The following ADAMTS6 variants were observed in gnomAD, a reference collection of about 807,000 sequenced individuals.
The protein encoded by ADAMTS6 is A disintegrin and metalloproteinase with thrombospondin motifs 6.
A neutral mutation model predicts 144.3 loss-of-function variants in ADAMTS6; 23 were observed. The observed-to-expected ratio is 0.16, with a 90% CI of 0.11 to 0.23. The LOEUF (loss-of-function observed/expected upper bound fraction) is 0.23, where lower values mean the gene tolerates loss of function less well. ADAMTS6 is among the 10% of genes least tolerant of loss of function. ADAMTS6 has a pLI of 1.00. For synonymous variants in ADAMTS6, 444 were observed against 457.5 expected, an observed-to-expected ratio of 0.97 and a Z score of 0.38; for missense variants, 999 against 1,379.6, an observed-to-expected ratio of 0.72 and a Z score of 4.37.
intron 9 of ADAMTS6, among the ~76,000 whole-genome samples, chr5:65,304,923 A>T (rs1275137974): frequency 6.6e-6 from 1 of 152,146 alleles, no homozygotes; most frequent in African/African-American, 2.4e-5. Context: ...GAGAAAAAAA[A>T]TGCTACAGAA....
chr5:65,453,470 C>A (rs1235007744), intron 4 of ADAMTS6, among the ~76,000 whole-genome samples: 1 of 152,224 alleles, frequency 6.6e-6, no homozygotes, highest in Non-Finnish European at 1.5e-5. Flanking sequence ...CTTAGGTTGG[C>A]AGTCTACAAC....
chr5:65,319,725 G>GAGGGAGGGAGGGAGGGAGGGA (rs1745381848), intron 9 of ADAMTS6, among the ~76,000 whole-genome samples: 1 of 19,262 alleles, frequency 5.2e-5, no homozygotes, highest in Non-Finnish European at 9.1e-5. Flanking sequence ...GGAAGGGAGG[G>GAGGGAGGGAGGGAGGGAGGGA]AGGGAGGGAG....
At chr5:65,275,411 G>GAAAGAAAGAAAGAAAGA (rs1554060504) in intron 11 of ADAMTS6, among the ~76,000 whole-genome samples, 4 of 125,862 alleles carry the variant, frequency 3.2e-5, no homozygotes, top group African/African-American at 1.3e-4. Context: ...AAGAAAGAAA[G>GAAAGAAAGAAAGAAAGA]AAAGAAAAGA....
chr5:65,277,839 AT>A (rs911248334), intron 11 of ADAMTS6, among the ~76,000 whole-genome samples: 1 of 151,948 alleles, frequency 6.6e-6, no homozygotes, highest in African/African-American at 2.4e-5. Context: ...TTTTTTTTAA[AT>A]TTTTTATTTC....
chr5:65,162,402 T>TA (rs1244819776), intron 24 of ADAMTS6, among the ~76,000 whole-genome samples: 2 of 152,166 alleles, frequency 1.3e-5, no homozygotes, highest in Non-Finnish European at 2.9e-5. Flanking sequence ...CTCTTGCTTT[T>TA]ATGTCAAAAT....
intron 15 of ADAMTS6, among the ~76,000 whole-genome samples, chr5:65,238,678 A>G (rs934136315): frequency 6.6e-6 from 1 of 152,188 alleles, no homozygotes; most frequent in Non-Finnish European, 1.5e-5. Context: ...TGGAATTTTC[A>G]AAAGTTTTAT....
At chr5:65,239,423 G>C (rs1053236630) in intron 15 of ADAMTS6, among the ~76,000 whole-genome samples, 1 of 152,132 alleles carries the variant, frequency 6.6e-6, no homozygotes, top group African/African-American at 2.4e-5. Flanking sequence ...ATAGATCATA[G>C]ATGTAAATGT....
At chr5:65,350,735 C>CCT (rs1748779364) in intron 7 of ADAMTS6, among the ~76,000 whole-genome samples, 1 of 152,106 alleles carries the variant, frequency 6.6e-6, no homozygotes, top group Non-Finnish European at 1.5e-5. Context: ...CTCACTGCAA[C>CCT]CTCTACCTTC....
chr5:65,473,533 T>C (rs1233525385), intron 2 of ADAMTS6, 44 bp downstream of exon 2: 1 of 1,509,776 alleles, frequency 6.6e-7, no homozygotes, highest in Admixed American at 1.8e-5. Context: ...TCTTGTCCAA[T>C]TAATAGCAAT....
In ADAMTS6 at chr5:65,334,021, A is replaced by C. The variant is rs747272980; in HGVS notation, c.1117+21T>G. On this transcript the variant is annotated intron_variant, in intron 8 of 24. Coordinates refer to ENST00000381055, the MANE Select transcript of ADAMTS6 (RefSeq NM_197941.4). ...TTAAAAAAAAAAAAAAAAAAAAAAA[A>C]AAAAACCAAAAAAAACTTACCCAGT... 2.4e-4 allele frequency: 336 copies of C among 1,383,798 alleles called. No individual in the cohort carries two copies. In the South Asian group the frequency reaches 5.6e-3, roughly 23 times the overall value. The allele number at this position is 1,383,798 out of a possible 1,614,324, so 85.7% of individuals were successfully genotyped here.
intron 7 of ADAMTS6, among the ~76,000 whole-genome samples, chr5:65,423,220 T>A (rs1756222306): frequency 6.6e-6 from 1 of 152,178 alleles, no homozygotes; most frequent in South Asian, 2.1e-4. Context: ...TTGGGTGCAA[T>A]ATACACTCTT....
intron 7 of ADAMTS6, among the ~76,000 whole-genome samples, chr5:65,341,285 T>C (rs1405223868): frequency 2.6e-5 from 4 of 151,550 alleles, no homozygotes; most frequent in African/African-American, 7.3e-5. Flanking sequence ...AACTTAACAA[T>C]GCATCTCAAG....
Position 65,329,565 on chromosome 5 carries a change from C to T in ADAMTS6, c.1118-82G>A, listed in dbSNP as rs925437869. 13 of 1,213,132 alleles carry T rather than the reference C, an allele frequency of 1.1e-5. No homozygotes were observed. In the African/African-American group the frequency reaches 1.7e-4, roughly 16 times the overall value. The allele number at this position is 1,213,132 out of a possible 1,614,324, so 75.1% of individuals were successfully genotyped here. ...GCCTATATTTATAAATGCCTGGATT[C>T]TTTTTAATAACCTCCATGCACAGAA... On this transcript the variant is annotated intron_variant, in intron 8 of 24. Coordinates refer to ENST00000381055, the MANE Select transcript of ADAMTS6 (RefSeq NM_197941.4).
intron 11 of ADAMTS6, 148 bp from the exon 12 acceptor site, chr5:65,273,595 G>T: frequency 5.6e-6 from 3 of 536,516 alleles, no homozygotes; most frequent in Non-Finnish European, 1.0e-5. Context: ...TTTTGGAGGA[G>T]GTTTTTATGA....
At position 65,327,132 on chromosome 5, in the gene ADAMTS6, G is replaced by C. The variant is rs993364397; in HGVS notation, c.1223+2246C>G. On this transcript the variant is annotated intron_variant, in intron 9 of 24. Transcript: ENST00000381055. ...ACATGAGAGCTGGTTGTTTAAAAGA[G>C]CACAGCATCTCCCTTGCTCCCTCTC... is the stretch of plus-strand genomic sequence containing the variant. Among the ~76,000 whole-genome samples the C allele has an allele frequency of 2.0e-5, 3 of 152,080 alleles. No homozygotes were observed. In the East Asian group the frequency reaches 5.8e-4, roughly 29 times the overall value.
At chr5:65,367,709 T>C (rs1404503211) in intron 7 of ADAMTS6, among the ~76,000 whole-genome samples, 1 of 151,974 alleles carries the variant, frequency 6.6e-6, no homozygotes, top group African/African-American at 2.4e-5. Context: ...ACTTCTCCTT[T>C]TGTCCAATCT....
chr5:65,415,646 T>C, intron 7 of ADAMTS6: 1 of 296,642 alleles, frequency 3.4e-6, no homozygotes, highest in Non-Finnish European at 6.6e-6. Flanking sequence ...GGGGGCTCTC[T>C]CAAGGATGAG....
At chr5:65,236,605 C>T (rs938087034) in intron 15 of ADAMTS6, among the ~76,000 whole-genome samples, 8 of 152,018 alleles carry the variant, frequency 5.3e-5, no homozygotes, top group Non-Finnish European at 1.5e-5. Flanking sequence ...AATCTTAATG[C>T]AATTAAATTA....
chr5:65,275,081 C>T (rs538146845), intron 11 of ADAMTS6, among the ~76,000 whole-genome samples: 3 of 151,644 alleles, frequency 2.0e-5, no homozygotes, highest in Non-Finnish European at 2.9e-5. Context: ...ATGGGCCAGG[C>T]GCAGTGGCTG....
Sources: allele counts gnomAD v4.1 joint callset (sites outside exome capture counted in the v4.1 genomes callset), GRCh38; gene constraint gnomAD v4.1.1; transcripts MANE v1.5; gene names NCBI Gene and HGNC (gene_info 2026-07-23, HGNC 2026-07-21).